The following PHF21B variants were observed in gnomAD, a reference collection of about 807,000 sequenced individuals.
PHF21B encodes PHD finger protein 21B, also known as PHD finger protein 4.
In PHF21B, 22 loss-of-function variants were observed where a neutral mutation model predicts 62.2. The observed-to-expected ratio is 0.35, with a 90% CI of 0.25 to 0.51. The LOEUF (loss-of-function observed/expected upper bound fraction) is 0.51. Among genes scored for constraint, PHF21B ranks in the 20% least tolerant of loss-of-function variants. The pLI is 0.97. For missense variants in PHF21B, 701 were observed against 707.9 expected (o/e 0.99, Z 0.11); for synonymous variants, 341 against 314.7 (o/e 1.08, Z -0.88).
At chr22:44,894,942 G>T (rs370124501) in intron 6 of PHF21B, among the ~76,000 whole-genome samples, 221 of 152,284 alleles carry the variant, frequency 1.5e-3, no homozygotes, top group African/African-American at 5.1e-3. Context: ...CCTGGGCTTC[G>T]GTGGCTCACC....
At position 44,916,604 on chromosome 22, in the gene PHF21B, G is replaced by A. The variant is rs2071439803; in HGVS notation, c.240C>T (p.Asp80=). 4 of 1,603,078 alleles carry A rather than the reference G, an allele frequency of 2.5e-6. No individual in the cohort carries two copies. The highest frequency in any genetic ancestry group is 2.7e-5 in the African/African-American group (2 of 75,040). ...PQVRPKTLIP[D]SLPVAPGRDR... ...CCCGGCCCGGGGCAACGGGGAGGCT[G>A]TCTGGAATCAGAGTCTTTGGCCTAA... Residue 80 remains aspartate, a synonymous_variant, in exon 4 of 13, where the codon GAC becomes GAT. Coordinates refer to ENST00000313237, the MANE Select transcript of PHF21B (RefSeq NM_138415.5).
chr22:44,954,286 C>T (rs111716742), intron 2 of PHF21B, among the ~76,000 whole-genome samples: 4 of 152,256 alleles, frequency 2.6e-5, no homozygotes, highest in Non-Finnish European at 5.9e-5. Flanking sequence ...GTTACTGGGA[C>T]ACATCACTCC....
intron 2 of PHF21B, among the ~76,000 whole-genome samples, chr22:45,007,774 C>A (rs1377909295): frequency 1.1e-4 from 3 of 26,884 alleles, no homozygotes; most frequent in Admixed American, 4.6e-4. Flanking sequence ...GGAGGAGGGG[C>A]GGGAGCCAGG....
intron 2 of PHF21B, among the ~76,000 whole-genome samples, chr22:44,944,500 T>C (rs1337094177): frequency 6.6e-6 from 1 of 152,046 alleles, no homozygotes; most frequent in African/African-American, 2.4e-5. Flanking sequence ...CAATAACAAG[T>C]TTGTATTATT....
At chr22:44,889,908 G>A (rs1454364155) in intron 8 of PHF21B, 126 bp from the exon 9 acceptor site, 1 of 1,003,454 alleles carries the variant, frequency 1.0e-6, no homozygotes, top group Non-Finnish European at 1.4e-6. Flanking sequence ...AGCATCATAA[G>A]GCCCCCATGA....
At chr22:44,887,071 G>C (rs1033792026) in intron 10 of PHF21B, among the ~76,000 whole-genome samples, 2 of 149,860 alleles carry the variant, frequency 1.3e-5, no homozygotes, top group Non-Finnish European at 2.9e-5. Context: ...CAGGAGAATC[G>C]CTTGAACCCA....
In PHF21B at chr22:44,891,651, G is replaced by A. The variant is rs73422474; in HGVS notation, c.961-291C>T. Among the ~76,000 whole-genome samples the A allele has an allele frequency of 4.7e-3, 713 of 152,356 alleles. 4 individuals carry two copies. Among genetic ancestry groups the A allele is most frequent in the African/African-American group, 0.016 (683 of 41,580 alleles). Reference sequence around the variant, plus strand: ...GGGTGCGTCTAGCTCAGGAAGGGCCGTCAGTGGGACACATCAGTCACATGG... The same window carrying A: ...GGGTGCGTCTAGCTCAGGAAGGGCCATCAGTGGGACACATCAGTCACATGG... On this transcript the variant is annotated intron_variant, in intron 7 of 12. Transcript: ENST00000313237.
intron 2 of PHF21B, among the ~76,000 whole-genome samples, chr22:44,939,868 G>A (rs776157941): frequency 6.6e-6 from 1 of 152,196 alleles, no homozygotes; most frequent in Non-Finnish European, 1.5e-5. Flanking sequence ...GGGAGACCAG[G>A]AGGAGGTTGC....
chr22:44,958,662 G>C (rs2072354464), intron 2 of PHF21B, among the ~76,000 whole-genome samples: 1 of 129,562 alleles, frequency 7.7e-6, no homozygotes, highest in Non-Finnish European at 1.6e-5. Context: ...CTGGAGTGCA[G>C]TGGCATGATC....
chr22:44,990,654 C>T (rs1333549086), intron 2 of PHF21B, among the ~76,000 whole-genome samples: 2 of 152,150 alleles, frequency 1.3e-5, no homozygotes, highest in Non-Finnish European at 2.9e-5. Context: ...AGTAAGATGC[C>T]GGCTACCAGG....
intron 5 of PHF21B, 115 bp downstream of exon 5, chr22:44,913,707 G>A (rs2071383866): frequency 7.1e-7 from 1 of 1,400,906 alleles, no homozygotes; most frequent in African/African-American, 1.4e-5. Flanking sequence ...GGGCAGCTGT[G>A]CCCACGGCTT....
At chr22:44,972,123 A>T (rs1238951683) in intron 2 of PHF21B, among the ~76,000 whole-genome samples, 2 of 152,114 alleles carry the variant, frequency 1.3e-5, no homozygotes, top group Non-Finnish European at 2.9e-5. Context: ...GTCTTGGGGG[A>T]GCCCTCACAG....
intron 2 of PHF21B, among the ~76,000 whole-genome samples, chr22:44,995,937 T>C (rs922300071): frequency 1.3e-5 from 2 of 152,030 alleles, no homozygotes; most frequent in African/African-American, 4.8e-5. Flanking sequence ...GGAGGGGACG[T>C]GGCAAGGGGC....
chr22:44,987,499 G>C (rs180926493), intron 2 of PHF21B, among the ~76,000 whole-genome samples: 1 of 152,246 alleles, frequency 6.6e-6, no homozygotes, highest in Non-Finnish European at 1.5e-5. Context: ...GCGGTGCAAG[G>C]GTGCTTAATA....
At chr22:44,993,145 C>T (rs2147509473) in intron 2 of PHF21B, among the ~76,000 whole-genome samples, 1 of 152,278 alleles carries the variant, frequency 6.6e-6, no homozygotes, top group South Asian at 2.1e-4. Context: ...CAGGGTGGGG[C>T]CAGCATCTCA....
chr22:44,928,080 A>G (rs1178466057), intron 2 of PHF21B, among the ~76,000 whole-genome samples: 1 of 152,104 alleles, frequency 6.6e-6, no homozygotes, highest in South Asian at 2.1e-4. Flanking sequence ...TGGCTCTGGA[A>G]AAATCTGTCT....
chr22:44,963,738 CAG>C (rs1474057985), intron 2 of PHF21B, among the ~76,000 whole-genome samples: 2 of 152,226 alleles, frequency 1.3e-5, no homozygotes, highest in Non-Finnish European at 2.9e-5. Context: ...CAGCCCACAG[CAG>C]AGTCAGGTGA....
intron 2 of PHF21B, among the ~76,000 whole-genome samples, chr22:44,992,065 G>GT (rs2147507081): frequency 6.6e-6 from 1 of 152,362 alleles, no homozygotes; most frequent in African/African-American, 2.4e-5. Context: ...CTTGACCAAT[G>GT]TAAGTGACGG....
At chr22:44,993,169 C>T (rs1401998849) in intron 2 of PHF21B, among the ~76,000 whole-genome samples, 1 of 152,198 alleles carries the variant, frequency 6.6e-6, no homozygotes, top group Non-Finnish European at 1.5e-5. Flanking sequence ...GGATTCCTGG[C>T]AGGACTCGCT....
Sources: allele counts gnomAD v4.1 joint callset (sites outside exome capture counted in the v4.1 genomes callset), GRCh38; gene constraint gnomAD v4.1.1; transcripts MANE v1.5; gene names NCBI Gene and HGNC (gene_info 2026-07-23, HGNC 2026-07-21).